The following ZNF212 variants were observed in gnomAD, a reference collection of about 807,000 sequenced individuals.
The protein encoded by ZNF212 is Zinc finger protein C2H2-150.
A neutral mutation model predicts 47.3 loss-of-function variants in ZNF212; 32 were observed. The ratio of observed to expected loss-of-function variants is 0.68; its 90% confidence interval spans 0.51 to 0.91. The LOEUF (loss-of-function observed/expected upper bound fraction) is 0.91, where lower values mean the gene tolerates loss of function less well. Among genes scored for constraint, ZNF212 ranks in the 40% least tolerant of loss-of-function variants. ZNF212 has a pLI of 0.00. For missense variants in ZNF212, 555 were observed against 622.8 expected, an observed-to-expected ratio of 0.89 and a Z score of 1.16; for synonymous variants, 242 against 253.8, an observed-to-expected ratio of 0.95 and a Z score of 0.44.
intron 1 of ZNF212, among the ~76,000 whole-genome samples, chr7:149,245,645 A>G (rs1796665891): frequency 6.6e-6 from 1 of 152,114 alleles, no homozygotes; most frequent in African/African-American, 2.4e-5. Context: ...GGCTGGAACT[A>G]TAGGCACCTG....
intron 1 of ZNF212, among the ~76,000 whole-genome samples, chr7:149,241,522 CT>C (rs1160196143): frequency 1.3e-5 from 2 of 150,788 alleles, no homozygotes; most frequent in Non-Finnish European, 2.9e-5. Flanking sequence ...TCAAATTGTT[CT>C]TGAGCCTGTT....
intron 1 of ZNF212, among the ~76,000 whole-genome samples, chr7:149,248,818 CAT>C (rs1167123709): frequency 6.6e-6 from 1 of 152,320 alleles, no homozygotes; most frequent in African/African-American, 2.4e-5. Context: ...GCTTTTGTCT[CAT>C]GTGTTCCATG....
chr7:149,244,631 C>T (rs2129524215), intron 1 of ZNF212, among the ~76,000 whole-genome samples: 1 of 152,180 alleles, frequency 6.6e-6, no homozygotes, highest in South Asian at 2.1e-4. Flanking sequence ...TTTTTTTAAT[C>T]CATATATCTA....
At chr7:149,244,199 G>C (rs569117862) in intron 1 of ZNF212, among the ~76,000 whole-genome samples, 59 of 152,270 alleles carry the variant, frequency 3.9e-4, no homozygotes, top group African/African-American at 1.3e-3. Context: ...CCTCCCAAAG[G>C]GTTGGGGTTA....
At chr7:149,239,856 C>T in intron 1 of ZNF212, 54 bp downstream of exon 1, 11 of 1,263,982 alleles carry the variant, frequency 8.7e-6, no homozygotes, top group Non-Finnish European at 1.1e-5. Context: ...GGCGGAGTCC[C>T]CTGCCGGGGG....
rs576704981 is a variant in ZNF212, at chr7:149,246,455, T to A, written c.25-3704T>A. 2.1e-4 allele frequency among the ~76,000 whole-genome samples: 32 copies of A among 152,002 alleles called. 1 individual carries two copies. In the South Asian group the frequency reaches 5.8e-3, roughly 28 times the overall value. The stretch of plus-strand genomic sequence containing the variant: ...TGGAGTGCAGTGACGTGATCTCAGC[T>A]CACTGCAGGCTCCGCCTGCTGGGTT... On this transcript the variant is annotated intron_variant, in intron 1 of 4. Transcript: ENST00000335870.
intron 3 of ZNF212, among the ~76,000 whole-genome samples, chr7:149,251,528 C>T (rs10252851): frequency 0.029 from 3,988 of 137,702 alleles, 103 homozygotes; most frequent in African/African-American, 0.062. Context: ...GACTCTGTCA[C>T]CTAGGCTGGA....
chr7:149,240,332 C>T (rs1796568936), intron 1 of ZNF212, among the ~76,000 whole-genome samples: 1 of 152,086 alleles, frequency 6.6e-6, no homozygotes, highest in Non-Finnish European at 1.5e-5. Flanking sequence ...ATGTTATCTA[C>T]AGTGCAGTTG....
chr7:149,253,649 A>G lies in ZNF212; in HGVS notation c.722A>G (p.Gln241Arg), dbSNP rs145125924. ...GAGTTCTCATGCATTGCTGAAGAGC[A>G]GGCTTTCCTGAGCCCAGAGCAGACC... ...PGEFSCIAEE[Q>R]AFLSPEQTEL... The change falls in exon 5 of 5, where the codon CAG becomes CGG. Residue 241 changes from glutamine (Q) to arginine (R), a missense_variant. Gln to Arg is a conservative substitution (Grantham distance 43, BLOSUM62 1). Coordinates refer to ENST00000335870, the MANE Select transcript of ZNF212 (RefSeq NM_012256.4). The G allele has an allele frequency of 2.1e-4, 332 of 1,614,206 alleles. 2 individuals carry two copies. In the African/African-American group the frequency reaches 4.1e-3, roughly 20 times the overall value.
rs752574222 is a variant in ZNF212 at position 149,254,058 on chromosome 7, C to G, written c.1131C>G (p.Ser377Arg). The change falls in exon 5 of 5, where the codon AGC becomes AGG. Residue 377 changes from serine to arginine, a missense_variant. By Grantham distance (110) the Ser-to-Arg change is moderately radical (BLOSUM62 -1). Coordinates refer to ENST00000335870, the MANE Select transcript of ZNF212 (RefSeq NM_012256.4). This position sits in a 1 kb window ranked among gnomAD's most constrained non-coding sequence, Gnocchi z 4.5. ...ATCAGTGTGATGTGTGCCTGAGGAG[C>G]TTCAGCTGCAAGGTGAGCCTGGTGA... ...KLHQCDVCLR[S>R]FSCKVSLVTH... The G allele has an allele frequency of 1.9e-6, 3 of 1,612,892 alleles. No individual in the cohort carries two copies. In the South Asian group the frequency reaches 3.3e-5, roughly 18 times the overall value.
chr7:149,253,731 T>A lies in ZNF212; in HGVS notation c.804T>A (p.Ser268=), dbSNP rs570412445. The change falls in exon 5 of 5, where the codon TCT becomes TCA. Residue 268 remains serine, a synonymous_variant. Transcript: ENST00000335870. ...TCTTGGAAACAGGTCCTGGGGACTCTACTCTAGAGGAGCCTGTTGGTAGTA... is the reference window on the plus strand; with the variant it reads ...TCTTGGAAACAGGTCCTGGGGACTCAACTCTAGAGGAGCCTGTTGGTAGTA... ...SVLLETGPGD[S]TLEEPVGSRV... 1 of 1,614,142 alleles carries A rather than the reference T, an allele frequency of 6.2e-7. No individual in the cohort carries two copies. The highest frequency in any genetic ancestry group is 2.2e-5 in the East Asian group (1 of 44,890).
chr7:149,242,040 TGA>T (rs1796600002), intron 1 of ZNF212, among the ~76,000 whole-genome samples: 2 of 111,186 alleles, frequency 1.8e-5, no homozygotes, highest in African/African-American at 3.4e-5. Flanking sequence ...TTTTTTTTTT[TGA>T]GAGAGTCTCG....
chr7:149,243,771 A>G (rs1346387521), intron 1 of ZNF212, among the ~76,000 whole-genome samples: 2 of 152,218 alleles, frequency 1.3e-5, no homozygotes, highest in Non-Finnish European at 2.9e-5. Flanking sequence ...TATTTTATCA[A>G]ATAGAAAAGA....
chr7:149,240,708 G>A (rs58476933), intron 1 of ZNF212, among the ~76,000 whole-genome samples: 5,542 of 152,218 alleles, frequency 0.036, 350 homozygotes, highest in African/African-American at 0.13. Flanking sequence ...AGGGGCAGCT[G>A]GAATTGAATT....
intron 4 of ZNF212, 119 bp from the exon 5 acceptor site, chr7:149,253,440 G>C (rs1402204227): frequency 7.7e-7 from 1 of 1,290,978 alleles, no homozygotes; most frequent in Non-Finnish European, 1.0e-6. Flanking sequence ...CCTCCTCCAC[G>C]TTATCCTAAT....
At chr7:149,240,239 G>C (rs1796567919) in intron 1 of ZNF212, among the ~76,000 whole-genome samples, 1 of 152,208 alleles carries the variant, frequency 6.6e-6, no homozygotes. Context: ...ATGTGTTGTC[G>C]GTTTTTCCAG....
In ZNF212 at chr7:149,250,013, C is replaced by T. The variant is rs142942712; in HGVS notation, c.25-146C>T. On this transcript the variant is annotated intron_variant, in intron 1 of 4. Transcript: ENST00000335870. ...TTTTCCAACATTATTAATACAATAT[C>T]TATGTATAATTTTTAGTATCAATAA... 1.1e-3 allele frequency: 721 copies of T among 664,272 alleles called. 7 individuals carry two copies. The African/African-American group carries it at 0.012, about 11-fold the overall frequency. The allele number at this position is 664,272 out of a possible 1,614,324, so 41.1% of individuals were successfully genotyped here. A position where few individuals can be genotyped will look rare whatever the true frequency, so the allele number is the denominator to read the frequency against.
chr7:149,250,043 C>T, intron 1 of ZNF212, 116 bp from the exon 2 acceptor site: 1 of 1,014,152 alleles, frequency 9.9e-7, no homozygotes, highest in Non-Finnish European at 1.3e-6. Context: ...CAATAAAAGA[C>T]ATGCTTTTTT....
intron 1 of ZNF212, 146 bp from the exon 2 acceptor site, chr7:149,250,009 ATATC>A: frequency 1.5e-6 from 1 of 649,902 alleles, no homozygotes; most frequent in South Asian, 6.3e-5. Context: ...TATTAATACA[ATATC>A]TATGTATAAT....
Sources: gnomAD v4.1 joint callset for allele counts (sites outside exome capture counted in the v4.1 genomes callset) on GRCh38, gnomAD v4.1.1 for gene constraint, Gnocchi (gnomAD v3.1) non-coding constraint, MANE v1.5 for transcripts, NCBI Gene and HGNC (gene_info 2026-07-23, HGNC 2026-07-21) for gene names.